ZNF436: variants seen among roughly 807,000 people sequenced by gnomAD.
ZNF436 encodes the protein zinc finger protein 436.
A neutral mutation model predicts 41.9 loss-of-function variants in ZNF436; 22 were observed. That is an observed-to-expected ratio of 0.53 (90% CI 0.38 to 0.75). The LOEUF is 0.75. Among genes scored for constraint, ZNF436 ranks in the 30% least tolerant of loss-of-function variants. ZNF436 has a pLI of 0.00. For missense variants in ZNF436, 506 were observed against 587.3 expected (o/e 0.86, Z 1.43); for synonymous variants, 217 against 197.8 (o/e 1.10, Z -0.82).
chr1:23,363,216 C>A lies in ZNF436; in HGVS notation c.166G>T (p.Glu56Ter). ...TTTACCTCGTTCTCACTCCTGATCT[C>A]AAAATCTGTAATAAAAAGTAAACAA... is the stretch of plus-strand genomic sequence containing the variant. Reference protein sequence around the residue: ...NYGNVVSLDFEIRSENEVNPK... With the variant: ...NYGNVVSLDF The change falls in exon 4 of 4, where the codon GAG (glutamate) becomes TAG (stop). Residue 56 changes from glutamate to a stop codon, truncating the protein, a stop_gained. Transcript: ENST00000314011. LOFTEE classifies it high-confidence loss of function. The A allele has an allele frequency of 6.2e-7, 1 of 1,608,490 alleles. No individual in the cohort carries two copies.
At position 23,362,999 on chromosome 1, in the gene ZNF436, T is replaced by C. The variant is rs780527742; in HGVS notation, c.383A>G (p.His128Arg). The change falls in exon 4 of 4, where the codon CAC becomes CGC. Residue 128 changes from histidine to arginine, a missense_variant. Around this residue, in one of 2 missense-constraint regions of ZNF436, gnomAD observed 228 missense variants for 215.1 expected, o/e 1.06. Transcript: ENST00000314011. ...GCGGATGCCTGTGTGGACTTCTTTGTGGACAAGTAGATCAGTGACTGGTTG... is the reference window on the plus strand; with the variant it reads ...GCGGATGCCTGTGTGGACTTCTTTGCGGACAAGTAGATCAGTGACTGGTTG... ...PLQPVTDLLV[H>R]KEVHTGIRYH... is the part of the protein sequence containing the mutation. The C allele has an allele frequency of 3.1e-6, 5 of 1,614,234 alleles. No homozygotes were observed. Among genetic ancestry groups the C allele is most frequent in the East Asian group, 2.2e-5 (1 of 44,890 alleles).
chr1:23,362,739 T>C lies in ZNF436; in HGVS notation c.643A>G (p.Ile215Val), dbSNP rs1314132289. The C allele has an allele frequency of 2.5e-6, 4 of 1,614,154 alleles. No individual in the cohort carries two copies. The highest frequency in any genetic ancestry group is 3.3e-5 in the Admixed American group (2 of 60,026). ...TTGTGAGGCTTCTCTCCAGTGTGGA[T>C]TGTCTGATGCTGAATCAGGTGAGAA... Reference protein sequence around the residue: ...RSSHLIQHQTIHTGEKPHKCN... With the variant: ...RSSHLIQHQTVHTGEKPHKCN... Residue 215 changes from isoleucine (I) to valine (V), a missense_variant, in exon 4 of 4, where the codon ATC becomes GTC. Ile to Val is a conservative substitution (Grantham distance 29). Coordinates refer to ENST00000314011, the MANE Select transcript of ZNF436 (RefSeq NM_001077195.2).
At chr1:23,368,410 C>T (rs568898151) in intron 1 of ZNF436, 4 of 196,120 alleles carry the variant, frequency 2.0e-5, no homozygotes, top group Non-Finnish European at 3.2e-5. Context: ...AATCAGCGAG[C>T]GAAGTTCGTG....
At position 23,369,761 on chromosome 1, in the gene ZNF436, G is replaced by A. The variant is rs1638464352; in HGVS notation, c.-456C>T. 2 of 358,124 alleles carry A rather than the reference G, an allele frequency of 5.6e-6. No individual in the cohort carries two copies. Among genetic ancestry groups the A allele is most frequent in the Non-Finnish European group, 1.2e-5 (2 of 170,526 alleles). The allele number at this position is 358,124 out of a possible 1,614,324, so 22.2% of individuals were successfully genotyped here. A position where few individuals can be genotyped will look rare whatever the true frequency, so the allele number is the denominator to read the frequency against. Reference sequence around the variant, plus strand: ...GCCAGGATGAGGGAATTAGACAATGGAAGTCGAGCACTGGGGAAAGCAGGC... The same window carrying A: ...GCCAGGATGAGGGAATTAGACAATGAAAGTCGAGCACTGGGGAAAGCAGGC... On this transcript the variant is annotated 5_prime_UTR_variant, in exon 1 of 4. Coordinates refer to ENST00000314011, the MANE Select transcript of ZNF436 (RefSeq NM_001077195.2).
chr1:23,368,123 A>C, intron 1 of ZNF436, 58 bp from the exon 2 acceptor site: 2 of 1,191,266 alleles, frequency 1.7e-6, no homozygotes, highest in South Asian at 1.3e-5. Context: ...CCCACTCCCC[A>C]GGGCTGGAGT....
Position 23,363,172 on chromosome 1 carries a change from A to G in ZNF436, c.210T>C (p.Ser70=). 1 of 1,614,022 alleles carries G rather than the reference A, an allele frequency of 6.2e-7. No individual in the cohort carries two copies. The highest frequency in any genetic ancestry group is 2.2e-5 in the East Asian group (1 of 44,886). Residue 70 remains serine, a synonymous_variant, in exon 4 of 4, where the codon AGT becomes AGC. Transcript: ENST00000314011. ...ENEVNPKQEI[S]EDVQFGTTSE... ...ATGTAGTCCCAAATTGTACATCTTC[A>G]CTAATCTCTTGCTTGGGATTTACCT... is the stretch of plus-strand genomic sequence containing the variant.
intron 1 of ZNF436, 187 bp downstream of exon 1, chr1:23,369,178 CG>C (rs561674504): frequency 1.3e-4 from 50 of 385,386 alleles, no homozygotes; most frequent in Middle Eastern, 1.1e-3. Flanking sequence ...CAGGCCCCTG[CG>C]GGGGGGGCGG....
chr1:23,361,518 TA>T lies in ZNF436; in HGVS notation c.*450del. On this transcript the variant is annotated 3_prime_UTR_variant, in exon 4 of 4. Coordinates refer to ENST00000314011, the MANE Select transcript of ZNF436 (RefSeq NM_001077195.2). ...GGAAGGGAAGATGTGTGTGCCCAACTACTATGGTGTGTGAATAGGTGTGGCA... is the reference window on the plus strand; with the variant it reads ...GGAAGGGAAGATGTGTGTGCCCAACTCTATGGTGTGTGAATAGGTGTGGCA... 1 of 156,570 alleles carries T rather than the reference TA, an allele frequency of 6.4e-6. No homozygotes were observed. Among genetic ancestry groups the T allele is most frequent in the Non-Finnish European group, 1.4e-5 (1 of 70,552 alleles). 9.7% of individuals were successfully genotyped at this position (156,570 alleles called of 1,614,324 possible).
Position 23,363,134 on chromosome 1 carries a change from G to A in ZNF436, c.248C>T (p.Ala83Val), listed in dbSNP as rs749010016. ...VQFGTTSERP[A>V]ENAEENPESE... Reference sequence around the variant, plus strand: ...TTCAGGATTTTCCTCAGCATTCTCAGCAGGTCTTTCAGATGTAGTCCCAAA... The same window carrying A: ...TTCAGGATTTTCCTCAGCATTCTCAACAGGTCTTTCAGATGTAGTCCCAAA... The change falls in exon 4 of 4, where the codon GCT becomes GTT. Residue 83 changes from alanine (A) to valine (V), a missense_variant. Ala to Val is a moderately conservative substitution (Grantham distance 64, BLOSUM62 0). This residue lies in a region of ZNF436 where 228 missense variants were observed against 215.1 expected (regional missense o/e 1.06). Coordinates refer to ENST00000314011, the MANE Select transcript of ZNF436 (RefSeq NM_001077195.2). 3 of 1,614,128 alleles carry A rather than the reference G, an allele frequency of 1.9e-6. No individual in the cohort carries two copies. Among genetic ancestry groups the A allele is most frequent in the Non-Finnish European group, 2.5e-6 (3 of 1,180,032 alleles).
intron 2 of ZNF436, 30 bp from the exon 3 acceptor site, chr1:23,367,198 C>A: frequency 6.3e-7 from 1 of 1,575,918 alleles, no homozygotes; most frequent in South Asian, 1.2e-5. Flanking sequence ...CCCTACTATT[C>A]TGTATTTAGG....
chr1:23,361,661 A>C lies in ZNF436; in HGVS notation c.*308T>G. The C allele has an allele frequency of 3.9e-6, 1 of 258,606 alleles. No individual in the cohort carries two copies. The highest frequency in any genetic ancestry group is 1.4e-3 in the Middle Eastern group (1 of 734). 16.0% of individuals were successfully genotyped at this position (258,606 alleles called of 1,614,324 possible). On this transcript the variant is annotated 3_prime_UTR_variant, in exon 4 of 4. Coordinates refer to ENST00000314011, the MANE Select transcript of ZNF436 (RefSeq NM_001077195.2). The stretch of plus-strand genomic sequence containing the variant: ...AAGGATGGGAGAAAATAACATTGAA[A>C]GATTTACTCCATTTCCAGGCCTAAG...
chr1:23,363,248 T>G (rs1638289538), intron 3 of ZNF436, 27 bp from the exon 4 acceptor site: 1 of 1,580,874 alleles, frequency 6.3e-7, no homozygotes, highest in African/African-American at 1.4e-5. Flanking sequence ...ACAATAAGAC[T>G]AGTAAGTACA....
chr1:23,364,058 A>G (rs1360906864), intron 3 of ZNF436, among the ~76,000 whole-genome samples: 2 of 152,010 alleles, frequency 1.3e-5, no homozygotes, highest in East Asian at 1.9e-4. Context: ...AAAAAACTAT[A>G]TATATTCGTG....
Position 23,363,175 on chromosome 1 carries a change from A to C in ZNF436, c.207T>G (p.Ile69Met), listed in dbSNP as rs1557992642. The change falls in exon 4 of 4, where the codon ATT (isoleucine) becomes ATG (methionine). Residue 69 changes from isoleucine to methionine, a missense_variant. Coordinates refer to ENST00000314011, the MANE Select transcript of ZNF436 (RefSeq NM_001077195.2). ...TAGTCCCAAATTGTACATCTTCACT[A>C]ATCTCTTGCTTGGGATTTACCTCGT... is the stretch of plus-strand genomic sequence containing the variant. ...SENEVNPKQE[I>M]SEDVQFGTTS... 1 of 1,613,964 alleles carries C rather than the reference A, an allele frequency of 6.2e-7. No individual in the cohort carries two copies. The highest frequency in any genetic ancestry group is 1.1e-5 in the South Asian group (1 of 91,078).
chr1:23,359,880 T>C lies in ZNF436; in HGVS notation c.*2089A>G, dbSNP rs1372707861. 1 of 152,196 alleles carries C rather than the reference T, an allele frequency of 6.6e-6. No individual in the cohort carries two copies. The highest frequency in any genetic ancestry group is 1.5e-5 in the Non-Finnish European group (1 of 68,020). The allele number at this position is 152,196 out of a possible 1,614,324, so 9.4% of individuals were successfully genotyped here. A position where few individuals can be genotyped will look rare whatever the true frequency, so the allele number is the denominator to read the frequency against. ...ACTGGTTGGGGTGGGGCAAGAACAGTAGGGAAGGAAAAGGGGGTGAAATAC... is the reference window on the plus strand; with the variant it reads ...ACTGGTTGGGGTGGGGCAAGAACAGCAGGGAAGGAAAAGGGGGTGAAATAC... On this transcript the variant is annotated 3_prime_UTR_variant, in exon 4 of 4. Transcript: ENST00000314011.
At chr1:23,367,407 T>C (rs184209610) in intron 2 of ZNF436, among the ~76,000 whole-genome samples, 43 of 152,342 alleles carry the variant, frequency 2.8e-4, no homozygotes, top group Admixed American at 9.2e-4. Flanking sequence ...GCTGTGACTT[T>C]CTCAGGACAT....
intron 3 of ZNF436, among the ~76,000 whole-genome samples, chr1:23,366,819 C>CA (rs1470726485): frequency 6.6e-6 from 1 of 152,188 alleles, no homozygotes; most frequent in African/African-American, 2.4e-5. Context: ...ACTCAGGGCA[C>CA]AAGAAATCTG....
In ZNF436 at chr1:23,361,116, G is replaced by A. The variant is rs1226824855; in HGVS notation, c.*853C>T. On this transcript the variant is annotated 3_prime_UTR_variant, in exon 4 of 4. Coordinates refer to ENST00000314011, the MANE Select transcript of ZNF436 (RefSeq NM_001077195.2). ...GGGACTCTGTGGTTCCTTCCCTGAA[G>A]GACTCAATTCCACTTGCTCCTTACA... The A allele has an allele frequency of 6.6e-6, 1 of 152,500 alleles. No individual in the cohort carries two copies. The allele number at this position is 152,500 out of a possible 1,614,324, so 9.4% of individuals were successfully genotyped here.
Position 23,362,257 on chromosome 1 carries a change from A to G in ZNF436, c.1125T>C (p.Ser375=), listed in dbSNP as rs764508512. The change falls in exon 4 of 4, where the codon TCT becomes TCC. Residue 375 remains serine, a synonymous_variant. Coordinates refer to ENST00000314011, the MANE Select transcript of ZNF436 (RefSeq NM_001077195.2). ...GAATTTTCTGGTGTGTGATGAGATG[A>G]GAGCTCCGGCTGAAGCTTTTCCCAC... ...NACGKSFSRS[S]HLITHQKIHT... The G allele has an allele frequency of 6.2e-7, 1 of 1,614,012 alleles. No homozygotes were observed. Among genetic ancestry groups the G allele is most frequent in the East Asian group, 2.2e-5 (1 of 44,890 alleles).
Sources: gnomAD v4.1 joint callset for allele counts (sites outside exome capture counted in the v4.1 genomes callset) on GRCh38, gnomAD v4.1.1 for gene constraint, gnomAD v4.1.1 regional missense constraint, MANE v1.5 for transcripts, NCBI Gene and HGNC (gene_info 2026-07-23, HGNC 2026-07-21) for gene names.